Variants in SRRM3 observed in about 807,000 individuals in gnomAD.
SRRM3 encodes serine/arginine repetitive matrix 3.
SRRM3 carries 27 observed loss-of-function variants against 66.2 expected under a neutral mutation model. The ratio of observed to expected loss-of-function variants is 0.41; its 90% CI spans 0.30 to 0.56. The LOEUF (loss-of-function observed/expected upper bound fraction) is 0.56. SRRM3 is among the 20% of genes least tolerant of loss of function. The pLI is 0.32. For synonymous variants in SRRM3, 391 were observed against 414.9 expected, an observed-to-expected ratio of 0.94 and a Z score of 0.70; for missense variants, 918 against 991.9, an observed-to-expected ratio of 0.93 and a Z score of 1.00.
At chr7:76,283,206 C>A in intron 14 of SRRM3, 105 bp downstream of exon 14, 1 of 1,223,384 alleles carries the variant, frequency 8.2e-7, no homozygotes, top group Non-Finnish European at 1.0e-6. Flanking sequence ...TCCACTGAAC[C>A]TGGCACGGGG....
chr7:76,240,595 G>A (rs1293118205), intron 2 of SRRM3, among the ~76,000 whole-genome samples: 67 of 148,490 alleles, frequency 4.5e-4, no homozygotes, highest in Admixed American at 1.0e-3. Context: ...ACTCCAGCCT[G>A]GGCAACAGAG....
chr7:76,212,230 G>C (rs1800451368), intron 1 of SRRM3, among the ~76,000 whole-genome samples: 1 of 142,782 alleles, frequency 7.0e-6, no homozygotes, highest in Admixed American at 7.3e-5. Context: ...GCACAATCGT[G>C]GCTTACTAGA....
chr7:76,258,779 G>C (rs1369553800), intron 3 of SRRM3, among the ~76,000 whole-genome samples: 1 of 149,962 alleles, frequency 6.7e-6, no homozygotes. Flanking sequence ...AGAGTTCGCC[G>C]TGCGCGGTGG....
chr7:76,283,219 G>C (rs1583948116), intron 14 of SRRM3, 118 bp downstream of exon 14: 1 of 101,296 alleles, frequency 9.9e-6, no homozygotes, highest in Non-Finnish European at 1.4e-5. Context: ...GCACGGGGAT[G>C]GGGGGGGGTG....
At position 76,235,268 on chromosome 7, in the gene SRRM3, A is replaced by C. The variant is rs782025302; in HGVS notation, c.202A>C (p.Met68Leu). The change falls in exon 2 of 15, where the codon ATG becomes CTG. Residue 68 changes from methionine to leucine, a missense_variant. By Grantham distance (15) the Met-to-Leu change is conservative (BLOSUM62 2). Coordinates refer to ENST00000611745, the MANE Select transcript of SRRM3 (RefSeq NM_001110199.3). Reference protein sequence around the residue: ...ERKRRVELKCMELQEMMEEQG... With the variant: ...ERKRRVELKCLELQEMMEEQG... ...CAAGCGGCGGGTGGAGCTCAAGTGC[A>C]TGGAGCTGCAGGAGATGATGGAGGA... 1 of 1,536,906 alleles carries C rather than the reference A, an allele frequency of 6.5e-7. No individual in the cohort carries two copies. Among genetic ancestry groups the C allele is most frequent in the Non-Finnish European group, 8.7e-7 (1 of 1,149,022 alleles).
chr7:76,215,042 C>CA (rs11357454), intron 1 of SRRM3, among the ~76,000 whole-genome samples: 7,318 of 96,260 alleles, frequency 0.076, 542 homozygotes, highest in African/African-American at 0.2. Context: ...TATATTCACT[C>CA]AAAAAAAAAA....
intron 5 of SRRM3, 24 bp downstream of exon 5, chr7:76,260,221 C>A (rs1801821366): frequency 6.6e-7 from 1 of 1,513,674 alleles, no homozygotes; most frequent in Non-Finnish European, 8.8e-7. Context: ...CTGACCGGAG[C>A]GGGAAGGGAG....
intron 1 of SRRM3, among the ~76,000 whole-genome samples, chr7:76,204,138 C>T (rs1800232926): frequency 6.6e-6 from 1 of 152,146 alleles, no homozygotes; most frequent in Non-Finnish European, 1.5e-5. Flanking sequence ...GTGGTTCACC[C>T]TCACCTCCTG....
rs1554612681 is a variant in SRRM3, at chr7:76,285,707, G to GCAGCCC, written c.1834_1839dup (p.Ser612_Pro613dup). ...GACTACTCGACCCGGAGCCACAGCCGCAGCCCCAGCCCCGGCCACAGCCAC... is the reference window on the plus strand; with the variant it reads ...GACTACTCGACCCGGAGCCACAGCCGCAGCCCCAGCCCCAGCCCCGGCCACAGCCAC... On this transcript the variant is annotated inframe_insertion, in exon 15 of 15. Transcript: ENST00000611745. The surrounding 1 kb of genome is among the most constrained non-coding windows in gnomAD (Gnocchi z 4.1). 1.9e-6 allele frequency: 3 copies of GCAGCCC among 1,550,828 alleles called. No homozygotes were observed. The highest frequency in any genetic ancestry group is 2.6e-6 in the Non-Finnish European group (3 of 1,146,896).
chr7:76,243,990 C>A (rs1303536963), intron 2 of SRRM3, among the ~76,000 whole-genome samples: 1 of 152,168 alleles, frequency 6.6e-6, no homozygotes, highest in Non-Finnish European at 1.5e-5. Flanking sequence ...GGTGAATGCC[C>A]GAGTCTGAGG....
rs1452470995 is a variant in SRRM3, at chr7:76,281,665, C to A, written c.1233C>A (p.Pro411=). Residue 411 remains proline, a synonymous_variant, in exon 12 of 15, where the codon CCC becomes CCA. Coordinates refer to ENST00000611745, the MANE Select transcript of SRRM3 (RefSeq NM_001110199.3). The part of the protein sequence containing the change: ...SAPRRRGRRR[P]RPAPPRGSSR... ...CCCGCCGCAGGGGTCGCCGGCGCCC[C>A]CGGCCCGCGCCCCCCCGGGGCTCGT... The A allele has an allele frequency of 8.1e-6, 8 of 983,088 alleles. No homozygotes were observed. Among genetic ancestry groups the A allele is most frequent in the Non-Finnish European group, 9.7e-6 (8 of 828,892 alleles). The allele number at this position is 983,088 out of a possible 1,614,324, so 60.9% of individuals were successfully genotyped here. A position where few individuals can be genotyped will look rare whatever the true frequency, so the allele number is the denominator to read the frequency against.
At chr7:76,282,596 A>G in intron 12 of SRRM3, 52 bp from the exon 13 acceptor site, 1 of 122,702 alleles carries the variant, frequency 8.1e-6, no homozygotes, top group Non-Finnish European at 1.1e-5. Flanking sequence ...CCCCGCCCCC[A>G]GCCCCCTTTC....
chr7:76,257,588 G>A (rs1257475194), intron 3 of SRRM3, among the ~76,000 whole-genome samples: 1 of 151,828 alleles, frequency 6.6e-6, no homozygotes, highest in Non-Finnish European at 1.5e-5. Context: ...GGGCAACATA[G>A]TGAGACCCCA....
intron 11 of SRRM3, among the ~76,000 whole-genome samples, chr7:76,270,722 G>A (rs1554610436): frequency 6.6e-6 from 1 of 151,954 alleles, no homozygotes; most frequent in Non-Finnish European, 1.5e-5. Context: ...GCTGAGGCAG[G>A]AAAATCACTT....
In SRRM3 at chr7:76,260,866, GC is replaced by G; in HGVS notation, c.546-5del. 1.9e-6 allele frequency: 3 copies of G among 1,559,106 alleles called. No individual in the cohort carries two copies. The South Asian group carries it at 3.6e-5, about 18-fold the overall frequency. On this transcript the variant is annotated splice_region_variant and splice_polypyrimidine_tract_variant and intron_variant, in intron 5 of 14. Coordinates refer to ENST00000611745, the MANE Select transcript of SRRM3 (RefSeq NM_001110199.3). Reference sequence around the variant, plus strand: ...CGTCTGTCCTTTCTTCCTGGCATCTGCCCTCAGCAAAAAGAGGAGACTGGAG... The same window carrying G: ...CGTCTGTCCTTTCTTCCTGGCATCTGCCTCAGCAAAAAGAGGAGACTGGAG...
At chr7:76,224,982 G>GT (rs1800819785) in intron 1 of SRRM3, among the ~76,000 whole-genome samples, 2 of 152,102 alleles carry the variant, frequency 1.3e-5, no homozygotes, top group Non-Finnish European at 1.5e-5. Context: ...TTAACTGAAG[G>GT]TAATGGGACC....
Position 76,281,436 on chromosome 7 carries a change from G to A in SRRM3, c.1009-5G>A, listed in dbSNP as rs1220470317. 4.9e-6 allele frequency: 6 copies of A among 1,233,158 alleles called. No homozygotes were observed. The highest frequency in any genetic ancestry group is 4.1e-6 in the Non-Finnish European group (4 of 982,292). The allele number at this position is 1,233,158 out of a possible 1,614,324, so 76.4% of individuals were successfully genotyped here. On this transcript the variant is annotated splice_region_variant and splice_polypyrimidine_tract_variant and intron_variant, in intron 11 of 14. Coordinates refer to ENST00000611745, the MANE Select transcript of SRRM3 (RefSeq NM_001110199.3). ...CCGTGCCCTGTCTGCCTCTCTCCCCGTCAGAAGCCCAGCTCGCCCTCGCCC... is the reference window on the plus strand; with the variant it reads ...CCGTGCCCTGTCTGCCTCTCTCCCCATCAGAAGCCCAGCTCGCCCTCGCCC...
intron 1 of SRRM3, among the ~76,000 whole-genome samples, chr7:76,211,546 C>T (rs947516347): frequency 2.6e-5 from 4 of 152,064 alleles, no homozygotes; most frequent in Non-Finnish European, 4.4e-5. Context: ...CCCTGAAGAG[C>T]GGTTTTGATT....
chr7:76,236,544 G>T (rs1327523164), intron 2 of SRRM3, among the ~76,000 whole-genome samples: 1 of 152,126 alleles, frequency 6.6e-6, no homozygotes, highest in Non-Finnish European at 1.5e-5. Flanking sequence ...AGGCCTCCTG[G>T]GCTCCCTTAG....
Sources: allele counts gnomAD v4.1 joint callset (sites outside exome capture counted in the v4.1 genomes callset), GRCh38; gene constraint gnomAD v4.1.1; non-coding constraint Gnocchi (gnomAD v3.1); transcripts MANE v1.5; gene names NCBI Gene and HGNC (gene_info 2026-07-23, HGNC 2026-07-21).